Variants in XRCC2 observed in about 807,000 individuals in gnomAD.
XRCC2 encodes DNA repair protein XRCC2.
A neutral mutation model predicts 27.3 loss-of-function variants in XRCC2; 24 were observed. That is an observed-to-expected ratio of 0.88 (90% CI 0.64 to 1.24). XRCC2 has a LOEUF of 1.24. Ranked by LOEUF, XRCC2 falls within the 50% of genes most tolerant of loss-of-function variation. The pLI, the probability that XRCC2 is intolerant of heterozygous loss-of-function variation, is 0.00. For synonymous variants in XRCC2, 106 were observed against 115.4 expected, an observed-to-expected ratio of 0.92 and a Z score of 0.52; for missense variants, 321 against 325.8, an observed-to-expected ratio of 0.99 and a Z score of 0.11.
chr7:152,660,865 T>C (rs977075046), intron 1 of XRCC2, 83 bp from the exon 2 acceptor site: 5 of 1,229,106 alleles, frequency 4.1e-6, no homozygotes, highest in Admixed American at 2.2e-5. Context: ...TTTCCGAAAG[T>C]CTGTAAGATT....
intron 2 of XRCC2, among the ~76,000 whole-genome samples, chr7:152,658,061 G>T (rs1346100045): frequency 6.6e-6 from 1 of 150,572 alleles, no homozygotes; most frequent in African/African-American, 2.4e-5. Flanking sequence ...CACCTCCCAG[G>T]TTCAAGTGAT....
intron 2 of XRCC2, among the ~76,000 whole-genome samples, chr7:152,653,934 G>A (rs1159882567): frequency 2.6e-5 from 4 of 152,072 alleles, no homozygotes; most frequent in Non-Finnish European, 5.9e-5. Flanking sequence ...GGTGGCTCAC[G>A]CCTGTAATCC....
At chr7:152,663,143 A>G (rs1007816236) in intron 1 of XRCC2, among the ~76,000 whole-genome samples, 1 of 152,140 alleles carries the variant, frequency 6.6e-6, no homozygotes, top group Non-Finnish European at 1.5e-5. Context: ...ACCCATGGCC[A>G]AAACTATTTT....
At chr7:152,652,280 C>G (rs1049155582) in intron 2 of XRCC2, among the ~76,000 whole-genome samples, 7 of 152,014 alleles carry the variant, frequency 4.6e-5, no homozygotes, top group Non-Finnish European at 8.8e-5. Flanking sequence ...TGTATTCCAC[C>G]CAGATGTTCA....
chr7:152,653,906 A>G (rs1363745858), intron 2 of XRCC2, among the ~76,000 whole-genome samples: 1 of 152,158 alleles, frequency 6.6e-6, no homozygotes, highest in Non-Finnish European at 1.5e-5. Flanking sequence ...TTAAGATTCA[A>G]GATGGTAAGC....
chr7:152,668,814 G>A (rs1050667126), intron 1 of XRCC2, among the ~76,000 whole-genome samples: 3 of 152,116 alleles, frequency 2.0e-5, no homozygotes, highest in African/African-American at 4.8e-5. Context: ...TTCTATTATC[G>A]TAACAATAGC....
At chr7:152,651,909 T>C (rs1387727507) in intron 2 of XRCC2, among the ~76,000 whole-genome samples, 1 of 151,748 alleles carries the variant, frequency 6.6e-6, no homozygotes, top group Non-Finnish European at 1.5e-5. Flanking sequence ...GGCTCACATC[T>C]GTAATCCAGC....
intron 2 of XRCC2, among the ~76,000 whole-genome samples, chr7:152,653,950 C>T (rs1490203713): frequency 6.6e-6 from 1 of 152,014 alleles, no homozygotes; most frequent in Admixed American, 6.6e-5. Context: ...AATCCCAGTA[C>T]TTTGGGAGGC....
Position 152,651,611 on chromosome 7 carries a change from T to C in XRCC2, c.122-2248A>G, listed in dbSNP as rs540440546. Among the ~76,000 whole-genome samples the C allele has an allele frequency of 2.0e-5, 3 of 152,114 alleles. No homozygotes were observed. The South Asian group carries it at 6.2e-4, about 32-fold the overall frequency. ...TTCTAAATTTACCTTAAGAAGAAAT[T>C]TAAAAAATGATTCCACCTCAGCCTC... is the stretch of plus-strand genomic sequence containing the variant. On this transcript the variant is annotated intron_variant, in intron 2 of 2. Coordinates refer to ENST00000359321, the MANE Select transcript of XRCC2 (RefSeq NM_005431.2).
At chr7:152,670,199 G>T (rs890802760) in intron 1 of XRCC2, among the ~76,000 whole-genome samples, 1 of 152,094 alleles carries the variant, frequency 6.6e-6, no homozygotes, top group Non-Finnish European at 1.5e-5. Flanking sequence ...TGAAAATTCT[G>T]GGCATTCTTC....
At chr7:152,662,028 G>C (rs2098033338) in intron 1 of XRCC2, among the ~76,000 whole-genome samples, 1 of 152,096 alleles carries the variant, frequency 6.6e-6, no homozygotes, top group South Asian at 2.1e-4. Flanking sequence ...TCAGTGGTGC[G>C]ATCTCTGCTC....
intron 1 of XRCC2, among the ~76,000 whole-genome samples, chr7:152,673,237 C>T (rs2098038865): frequency 6.6e-6 from 1 of 152,112 alleles, no homozygotes; most frequent in South Asian, 2.1e-4. Flanking sequence ...GGCTGGAGTG[C>T]AGTGGCGTGA....
At chr7:152,673,642 C>T (rs560639516) in intron 1 of XRCC2, among the ~76,000 whole-genome samples, 144 of 152,054 alleles carry the variant, frequency 9.5e-4, no homozygotes, top group African/African-American at 3.0e-3. Context: ...CTTAGGCAGG[C>T]GGATCATGAG....
chr7:152,665,487 C>CT (rs66692067), intron 1 of XRCC2, among the ~76,000 whole-genome samples: 3,123 of 84,066 alleles, frequency 0.037, 171 homozygotes, highest in East Asian at 0.081. Context: ...TAAGACAAAC[C>CT]TTTTTTTTTT....
At chr7:152,662,756 G>GT (rs2098033736) in intron 1 of XRCC2, among the ~76,000 whole-genome samples, 1 of 150,926 alleles carries the variant, frequency 6.6e-6, no homozygotes, top group Non-Finnish European at 1.5e-5. Context: ...TGTATTTTTA[G>GT]TAGAGACGGG....
At chr7:152,671,924 C>T (rs1280411647) in intron 1 of XRCC2, among the ~76,000 whole-genome samples, 1 of 151,978 alleles carries the variant, frequency 6.6e-6, no homozygotes, top group Non-Finnish European at 1.5e-5. Context: ...CCCTTTAGTC[C>T]CAGCTACTCG....
intron 1 of XRCC2, among the ~76,000 whole-genome samples, chr7:152,668,090 C>T (rs2098036729): frequency 6.6e-6 from 1 of 151,868 alleles, no homozygotes; most frequent in African/African-American, 2.4e-5. Flanking sequence ...CCCTTATCTG[C>T]AGTTTCATTT....
At chr7:152,667,148 T>C (rs1292241143) in intron 1 of XRCC2, among the ~76,000 whole-genome samples, 1 of 151,640 alleles carries the variant, frequency 6.6e-6, no homozygotes, top group African/African-American at 2.4e-5. Flanking sequence ...GGCTCACGCC[T>C]GTAATCCCAG....
intron 1 of XRCC2, among the ~76,000 whole-genome samples, chr7:152,662,634 G>A (rs1237342650): frequency 7.0e-6 from 1 of 142,222 alleles, no homozygotes; most frequent in Admixed American, 7.1e-5. Flanking sequence ...GTGCAGTGGC[G>A]GGATCTCGGC....
Sources: gnomAD v4.1 joint callset for allele counts (sites outside exome capture counted in the v4.1 genomes callset) on GRCh38, gnomAD v4.1.1 for gene constraint, MANE v1.5 for transcripts, NCBI Gene and HGNC (gene_info 2026-07-23, HGNC 2026-07-21) for gene names.